ARHGAP15: variants seen among roughly 807,000 people sequenced by gnomAD.
The protein encoded by ARHGAP15 is Rho GTPase activating protein 15.
A neutral mutation model predicts 63.7 loss-of-function variants in ARHGAP15; 51 were observed. That is an observed-to-expected ratio of 0.80 (90% CI 0.64 to 1.01). ARHGAP15 has a LOEUF of 1.01. Ranked by LOEUF, ARHGAP15 falls within the 50% of genes least tolerant of loss-of-function variation. ARHGAP15 has a pLI of 0.00. For synonymous variants in ARHGAP15, 191 were observed against 193.8 expected, an observed-to-expected ratio of 0.99 and a Z score of 0.12; for missense variants, 560 against 564.6, an observed-to-expected ratio of 0.99 and a Z score of 0.08.
At chr2:143,229,747 G>A (rs557783220) in intron 5 of ARHGAP15, among the ~76,000 whole-genome samples, 2 of 152,176 alleles carry the variant, frequency 1.3e-5, no homozygotes, top group Non-Finnish European at 2.9e-5. Context: ...TGTTTGCTAT[G>A]TAATCCTCTT....
intron 8 of ARHGAP15, among the ~76,000 whole-genome samples, chr2:143,477,141 G>A (rs917228201): frequency 2.6e-5 from 4 of 151,712 alleles, no homozygotes; most frequent in African/African-American, 9.7e-5. Context: ...AAGTATACAA[G>A]CATTTTTTTA....
chr2:143,561,763 A>G (rs965078182), intron 11 of ARHGAP15, among the ~76,000 whole-genome samples: 2 of 152,204 alleles, frequency 1.3e-5, no homozygotes, highest in African/African-American at 2.4e-5. Flanking sequence ...TCGGCCTTCC[A>G]AAGTGCTGGG....
chr2:143,335,844 A>G (rs1684748656), intron 6 of ARHGAP15, among the ~76,000 whole-genome samples: 1 of 152,150 alleles, frequency 6.6e-6, no homozygotes, highest in African/African-American at 2.4e-5. Flanking sequence ...ACTTGAAGGG[A>G]TTATTCAGGC....
chr2:143,664,666 A>G (rs1290383000), intron 12 of ARHGAP15, among the ~76,000 whole-genome samples: 95 of 152,112 alleles, frequency 6.2e-4, no homozygotes, highest in African/African-American at 2.1e-3. Context: ...TTGATAGACC[A>G]CTAGCAAGAC....
At chr2:143,249,979 G>A (rs1408328364) in intron 5 of ARHGAP15, among the ~76,000 whole-genome samples, 5 of 152,060 alleles carry the variant, frequency 3.3e-5, no homozygotes, top group Non-Finnish European at 5.9e-5. Context: ...AAACCTGAAA[G>A]GGGAATTGGA....
chr2:143,645,194 A>G (rs1030212064), intron 12 of ARHGAP15, among the ~76,000 whole-genome samples: 1 of 152,150 alleles, frequency 6.6e-6, no homozygotes, highest in South Asian at 2.1e-4. Flanking sequence ...AAGCCAAAAG[A>G]TATCTTTAAA....
At chr2:143,568,615 AG>A (rs1299202688) in intron 11 of ARHGAP15, among the ~76,000 whole-genome samples, 1 of 152,218 alleles carries the variant, frequency 6.6e-6, no homozygotes, top group African/African-American at 2.4e-5. Flanking sequence ...CGATTCCTCA[AG>A]GATCTAGAAC....
chr2:143,566,969 G>A (rs991121252), intron 11 of ARHGAP15, among the ~76,000 whole-genome samples: 10 of 151,464 alleles, frequency 6.6e-5, no homozygotes, highest in Non-Finnish European at 7.4e-5. Context: ...TCTGCCTCCC[G>A]GGTTCATGCC....
Position 143,536,017 on chromosome 2 carries a change from T to A in ARHGAP15, c.925+16653T>A, listed in dbSNP as rs953193353. Among the ~76,000 whole-genome samples the A allele has an allele frequency of 3.9e-5, 6 of 152,220 alleles. No individual in the cohort carries two copies. The East Asian group carries it at 1.2e-3, about 29-fold the overall frequency. On this transcript the variant is annotated intron_variant, in intron 10 of 13. Coordinates refer to ENST00000295095, the MANE Select transcript of ARHGAP15 (RefSeq NM_018460.4). ...TTGTGTAATAGTTAAATCTATGTAA[T>A]TAACAAATTACCTCACATAGTTATC...
At chr2:143,509,540 G>A (rs1185573773) in intron 9 of ARHGAP15, among the ~76,000 whole-genome samples, 2 of 152,096 alleles carry the variant, frequency 1.3e-5, no homozygotes, top group Non-Finnish European at 2.9e-5. Context: ...TTAGCATTAG[G>A]CGTATTTTTT....
At position 143,243,960 on chromosome 2, in the gene ARHGAP15, T is replaced by C. The variant is rs567522515; in HGVS notation, c.385-6551T>C. Among the ~76,000 whole-genome samples the C allele has an allele frequency of 2.0e-5, 3 of 152,312 alleles. No homozygotes were observed. In the East Asian group the frequency reaches 5.8e-4, roughly 29 times the overall value. On this transcript the variant is annotated intron_variant, in intron 5 of 13. Transcript: ENST00000295095. ...TTTGTTTTTTTATCTGTCATACTTTTGAATTCACCCCAAATCTCTATTAGC... is the reference window on the plus strand; with the variant it reads ...TTTGTTTTTTTATCTGTCATACTTTCGAATTCACCCCAAATCTCTATTAGC...
chr2:143,660,782 C>A (rs1429417275), intron 12 of ARHGAP15, among the ~76,000 whole-genome samples: 1 of 152,198 alleles, frequency 6.6e-6, no homozygotes, highest in Non-Finnish European at 1.5e-5. Context: ...GGAGTAGAAA[C>A]AACAAAGAGA....
intron 13 of ARHGAP15, among the ~76,000 whole-genome samples, chr2:143,767,052 T>C (rs79360894): frequency 0.016 from 2,384 of 152,308 alleles, 34 homozygotes; most frequent in Non-Finnish European, 0.027. Flanking sequence ...CTTATTTCCC[T>C]TGGGTTTGGA....
intron 12 of ARHGAP15, among the ~76,000 whole-genome samples, chr2:143,635,876 T>G (rs1680285746): frequency 6.6e-6 from 1 of 152,108 alleles, no homozygotes; most frequent in Non-Finnish European, 1.5e-5. Context: ...AAAATTATAT[T>G]GGATAATTAT....
intron 3 of ARHGAP15, among the ~76,000 whole-genome samples, chr2:143,204,575 A>G (rs1041347766): frequency 2.0e-5 from 3 of 152,096 alleles, no homozygotes; most frequent in Admixed American, 6.6e-5. Flanking sequence ...GGAGTTTAGG[A>G]TTTCAACATA....
chr2:143,630,477 C>A (rs908883005), intron 12 of ARHGAP15, among the ~76,000 whole-genome samples: 4 of 151,928 alleles, frequency 2.6e-5, no homozygotes, highest in African/African-American at 9.7e-5. Context: ...ACATCATATC[C>A]CCTGACCTAC....
intron 2 of ARHGAP15, among the ~76,000 whole-genome samples, chr2:143,188,460 C>T (rs1419309181): frequency 1.3e-5 from 2 of 151,684 alleles, no homozygotes; most frequent in African/African-American, 4.8e-5. Context: ...AATGTAGTGC[C>T]TCCTTTTAAA....
intron 8 of ARHGAP15, among the ~76,000 whole-genome samples, chr2:143,463,513 C>T (rs114825367): frequency 1.3e-3 from 171 of 126,800 alleles, no homozygotes; most frequent in African/African-American, 4.9e-3. Flanking sequence ...GCATTCCAAC[C>T]TCGTAATCAA....
chr2:143,466,313 T>A lies in ARHGAP15; in HGVS notation c.704-21060T>A, dbSNP rs543709706. ...CTTATTCTTTCCATATCCATTTTTT[T>A]AAAAATTGTGAAAATCAAGCCAATT... On this transcript the variant is annotated intron_variant, in intron 8 of 13. Transcript: ENST00000295095. Among the ~76,000 whole-genome samples the A allele has an allele frequency of 1.4e-4, 21 of 151,756 alleles. No individual in the cohort carries two copies. The East Asian group carries it at 3.7e-3, about 27-fold the overall frequency.
Sources: allele counts gnomAD v4.1 joint callset (sites outside exome capture counted in the v4.1 genomes callset), GRCh38; gene constraint gnomAD v4.1.1; transcripts MANE v1.5; gene names NCBI Gene and HGNC (gene_info 2026-07-23, HGNC 2026-07-21).